Variants in UGT1A10 observed in about 807,000 individuals in gnomAD.
UGT1A10 encodes the protein UDP-glucuronosyltransferase 1A10.
A neutral mutation model predicts 45.8 loss-of-function variants in UGT1A10; 49 were observed. The ratio of observed to expected loss-of-function variants is 1.07; its 90% CI spans 0.85 to 1.36. The LOEUF (loss-of-function observed/expected upper bound fraction) is 1.36, where lower values mean the gene tolerates loss of function less well. Ranked by LOEUF, UGT1A10 falls within the 40% of genes most tolerant of loss-of-function variation. The pLI, the probability that UGT1A10 is intolerant of heterozygous loss-of-function variation, is 0.00. For missense variants in UGT1A10, 745 were observed against 668.6 expected (o/e 1.11, Z -1.26); for synonymous variants, 284 against 249.7 (o/e 1.14, Z -1.29).
chr2:233,719,071 G>A, intron 1 of UGT1A10: 1 of 1,614,278 alleles, frequency 6.2e-7, no homozygotes. Flanking sequence ...GCTGTTCCAT[G>A]GACCCAGAAG....
chr2:233,755,003 C>T (rs10929301), intron 1 of UGT1A10: 15 of 1,287,722 alleles, frequency 1.2e-5, no homozygotes, highest in Non-Finnish European at 1.6e-5. Flanking sequence ...AGCTGAAGAC[C>T]TACTCGAAGG....
At chr2:233,680,388 G>A (rs1487588309) in intron 1 of UGT1A10, among the ~76,000 whole-genome samples, 1 of 152,198 alleles carries the variant, frequency 6.6e-6, no homozygotes, top group Non-Finnish European at 1.5e-5. Context: ...CCCTGCAATA[G>A]CAACAGGAGG....
intron 1 of UGT1A10, among the ~76,000 whole-genome samples, chr2:233,733,088 C>T (rs1321589207): frequency 6.6e-6 from 1 of 152,072 alleles, no homozygotes; most frequent in Non-Finnish European, 1.5e-5. Flanking sequence ...AATGGGAGTT[C>T]ACTCATGGTT....
rs1283775616 is a variant in UGT1A10, at chr2:233,636,953, C to A, written c.431C>A (p.Ala144Glu). Reference protein sequence around the residue: ...VEYLKESSFDAVFLDPFDTCG... With the variant: ...VEYLKESSFDEVFLDPFDTCG... ...TACTTAAAGGAGAGTTCTTTTGATG[C>A]AGTGTTTCTGGATCCTTTTGATACC... The change falls in exon 1 of 5, where the codon GCA (alanine) becomes GAA (glutamate). Residue 144 changes from alanine to glutamate, a missense_variant. Physicochemically the swap from Ala to Glu is moderately radical, Grantham distance 107. Coordinates refer to ENST00000344644, the MANE Select transcript of UGT1A10 (RefSeq NM_019075.4). 1.2e-6 allele frequency: 2 copies of A among 1,613,898 alleles called. No homozygotes were observed. The highest frequency in any genetic ancestry group is 1.7e-5 in the Admixed American group (1 of 59,982).
chr2:233,748,300 T>C lies in UGT1A10; in HGVS notation c.856-18734T>C, dbSNP rs533693857. ...AAGAAGAGGCAGACATGAATGTTTA[T>C]CAAAGGATGGACTAGGACTGATGTG... On this transcript the variant is annotated intron_variant, in intron 1 of 4. Transcript: ENST00000344644. Among the ~76,000 whole-genome samples, 169 of 151,842 alleles carry C rather than the reference T, an allele frequency of 1.1e-3. 1 individual carries two copies. Among genetic ancestry groups the C allele is most frequent in the Non-Finnish European group, 1.3e-3 (90 of 68,016 alleles).
At chr2:233,699,323 T>A (rs557152275) in intron 1 of UGT1A10, among the ~76,000 whole-genome samples, 1 of 152,360 alleles carries the variant, frequency 6.6e-6, no homozygotes, top group East Asian at 1.9e-4. Flanking sequence ...GCTATTTTGT[T>A]GAGTTTCATC....
rs923057819 is a variant in UGT1A10 at position 233,747,207 on chromosome 2, T to G, written c.856-19827T>G. ...TGGACAGTCAGCTGTCCGTGTCTTC[T>G]GCTGAGATGGCCACAGGACCCCAGG... On this transcript the variant is annotated intron_variant, in intron 1 of 4. Transcript: ENST00000344644. The G allele has an allele frequency of 3.1e-6, 5 of 1,605,116 alleles. No individual in the cohort carries two copies. In the African/African-American group the frequency reaches 4.0e-5, roughly 13 times the overall value.
chr2:233,749,416 T>G (rs1694186669), intron 1 of UGT1A10, among the ~76,000 whole-genome samples: 1 of 151,944 alleles, frequency 6.6e-6, no homozygotes, highest in Non-Finnish European at 1.5e-5. Context: ...GTTAACTACA[T>G]TGCTCAAAAC....
At chr2:233,672,792 A>G (rs1377886335) in intron 1 of UGT1A10, 1 of 1,612,804 alleles carries the variant, frequency 6.2e-7, no homozygotes, top group Non-Finnish European at 8.5e-7. Context: ...TGCCTATGGT[A>G]AGTTATCTCT....
At chr2:233,743,686 G>A (rs1347222099) in intron 1 of UGT1A10, 2 of 1,367,248 alleles carry the variant, frequency 1.5e-6, no homozygotes, top group Admixed American at 3.8e-5. Flanking sequence ...TGCCGCCTGT[G>A]CAGCCGCCCT....
chr2:233,729,669 C>A (rs1433524187), intron 1 of UGT1A10: 1 of 1,613,792 alleles, frequency 6.2e-7, no homozygotes, highest in African/African-American at 1.3e-5. Context: ...GTGATTTAGA[C>A]TTTAAGGGCA....
intron 1 of UGT1A10, among the ~76,000 whole-genome samples, chr2:233,667,448 T>C (rs555953711): frequency 5.1e-4 from 78 of 152,294 alleles, no homozygotes; most frequent in African/African-American, 1.8e-3. Flanking sequence ...AACCTAGGCA[T>C]TACCATTCAG....
intron 1 of UGT1A10, among the ~76,000 whole-genome samples, chr2:233,650,512 A>G (rs1408482314): frequency 6.6e-6 from 1 of 152,232 alleles, no homozygotes; most frequent in African/African-American, 2.4e-5. Flanking sequence ...GCAAATTGGT[A>G]TGGATGGTCT....
intron 1 of UGT1A10, among the ~76,000 whole-genome samples, chr2:233,745,709 C>T (rs1276912783): frequency 6.8e-6 from 1 of 146,654 alleles, no homozygotes; most frequent in Non-Finnish European, 1.5e-5. Context: ...ACAAGTGATC[C>T]AGAATGGCTG....
intron 1 of UGT1A10, among the ~76,000 whole-genome samples, chr2:233,673,591 T>C (rs1390364139): frequency 1.3e-5 from 2 of 152,220 alleles, no homozygotes; most frequent in Non-Finnish European, 2.9e-5. Context: ...GGAATATGTA[T>C]GTCTCACTAT....
chr2:233,757,927 A>C (rs1242249137), intron 1 of UGT1A10, among the ~76,000 whole-genome samples: 4 of 152,044 alleles, frequency 2.6e-5, no homozygotes, highest in African/African-American at 9.7e-5. Flanking sequence ...GCAGCCCCCA[A>C]AGCAAGACCA....
At chr2:233,648,965 T>A in intron 1 of UGT1A10, 2 of 1,440,998 alleles carry the variant, frequency 1.4e-6, no homozygotes, top group South Asian at 1.2e-5. Context: ...CCCAAACCTG[T>A]GATGCCCAAT....
chr2:233,763,254 T>C (rs1698269941), intron 1 of UGT1A10, among the ~76,000 whole-genome samples: 1 of 152,240 alleles, frequency 6.6e-6, no homozygotes, highest in Non-Finnish European at 1.5e-5. Context: ...TAGTAACCTG[T>C]TTTGTCTTGT....
intron 1 of UGT1A10, among the ~76,000 whole-genome samples, chr2:233,723,158 A>G (rs1188263696): frequency 7.4e-6 from 1 of 135,668 alleles, no homozygotes; most frequent in Non-Finnish European, 1.5e-5. Flanking sequence ...CATTTGCTTT[A>G]GTTTCAGTGC....
Sources: gnomAD v4.1 joint callset for allele counts (sites outside exome capture counted in the v4.1 genomes callset) on GRCh38, gnomAD v4.1.1 for gene constraint, MANE v1.5 for transcripts, NCBI Gene and HGNC (gene_info 2026-07-23, HGNC 2026-07-21) for gene names.